SGCG: variants seen among roughly 807,000 people sequenced by gnomAD.
SGCG encodes the protein gamma-sarcoglycan.
In SGCG, 26 loss-of-function variants were observed where a neutral mutation model predicts 29.3. The observed-to-expected ratio is 0.89, with a 90% CI of 0.65 to 1.23. SGCG has a LOEUF of 1.23. SGCG is among the 50% of genes most tolerant of loss of function. The pLI is 0.00. For missense variants in SGCG, 353 were observed against 356.0 expected, an observed-to-expected ratio of 0.99 and a Z score of 0.07; for synonymous variants, 145 against 129.7, an observed-to-expected ratio of 1.12 and a Z score of -0.80.
At chr13:23,254,337 T>C (rs967857325) in intron 4 of SGCG, among the ~76,000 whole-genome samples, 1 of 152,162 alleles carries the variant, frequency 6.6e-6, no homozygotes, top group African/African-American at 2.4e-5. Flanking sequence ...ACCTGTGTAA[T>C]GCCCTAGGAA....
At chr13:23,314,382 T>TTATATATA (rs201480793) in intron 6 of SGCG, among the ~76,000 whole-genome samples, 1,379 of 78,532 alleles carry the variant, frequency 0.018, 31 homozygotes, top group South Asian at 0.033. Context: ...CTGCTATAGG[T>TTATATATA]TATATATATA....
chr13:23,250,747 A>G (rs1879932602), intron 4 of SGCG, 30 bp downstream of exon 4: 2 of 1,282,798 alleles, frequency 1.6e-6, no homozygotes, highest in African/African-American at 1.5e-5. Context: ...GGTGCTTTGC[A>G]TGCATGTTGT....
chr13:23,279,273 G>T, intron 4 of SGCG, 86 bp from the exon 5 acceptor site: 1 of 1,256,686 alleles, frequency 8.0e-7, no homozygotes, highest in Non-Finnish European at 1.2e-6. Context: ...ACTTGGTATT[G>T]TAGGGTTGAC....
intron 6 of SGCG, among the ~76,000 whole-genome samples, chr13:23,296,921 T>C (rs748562384): frequency 4.9e-4 from 75 of 152,196 alleles, no homozygotes; most frequent in Non-Finnish European, 8.5e-4. Flanking sequence ...CCAAATAATA[T>C]TTTAAATGGT....
chr13:23,215,827 ATATTT>A (rs1878405652), intron 2 of SGCG, among the ~76,000 whole-genome samples: 1 of 152,008 alleles, frequency 6.6e-6, no homozygotes, highest in Non-Finnish European at 1.5e-5. Context: ...AAACAAAGAC[ATATTT>A]TGTGGATAGT....
chr13:23,208,712 T>C (rs1878075162), intron 2 of SGCG, among the ~76,000 whole-genome samples: 1 of 152,134 alleles, frequency 6.6e-6, no homozygotes, highest in South Asian at 2.1e-4. Context: ...CAACTGATGC[T>C]GAGTATAAAG....
intron 6 of SGCG, among the ~76,000 whole-genome samples, chr13:23,317,839 C>T (rs9580601): frequency 0.25 from 37,882 of 151,890 alleles, 4,993 homozygotes; most frequent in South Asian, 0.35. Flanking sequence ...AGTGTCAACT[C>T]GATTGGATTA....
chr13:23,160,808 T>C, the SGCG span, among the ~76,000 whole-genome samples: 1 of 152,044 alleles, frequency 6.6e-6, no homozygotes, highest in Non-Finnish European at 1.5e-5. Context: ...GTGCCCTCTT[T>C]CTCCTCGCCT....
intron 6 of SGCG, among the ~76,000 whole-genome samples, chr13:23,307,013 AAT>A (rs1318787817): frequency 1.3e-5 from 2 of 152,208 alleles, no homozygotes. Context: ...AGGACTTACA[AAT>A]ATATTAGATT....
chr13:23,306,605 G>A (rs1468179728), intron 6 of SGCG, among the ~76,000 whole-genome samples: 3 of 152,022 alleles, frequency 2.0e-5, no homozygotes, highest in South Asian at 2.1e-4. Context: ...AACACTGTTC[G>A]CATAATCACA....
Position 23,193,396 on chromosome 13 carries a change from G to C in SGCG, c.1-10299G>C, listed in dbSNP as rs534622619. Among the ~76,000 whole-genome samples the C allele has an allele frequency of 7.2e-5, 11 of 152,306 alleles. 5 individuals are homozygous for C. Among genetic ancestry groups the C allele is most frequent in the Admixed American group, 7.2e-4 (11 of 15,298 alleles). On this transcript the variant is annotated intron_variant, in intron 1 of 7. Transcript: ENST00000218867. ...ATTAAGAGAGGCAGAGTGGGTGGAGGAGACCCTGAAGAGGCTGCACCGTCA... is the reference window on the plus strand; with the variant it reads ...ATTAAGAGAGGCAGAGTGGGTGGAGCAGACCCTGAAGAGGCTGCACCGTCA...
chr13:23,206,629 C>T (rs1404844005), intron 2 of SGCG, among the ~76,000 whole-genome samples: 1 of 152,126 alleles, frequency 6.6e-6, no homozygotes, highest in Non-Finnish European at 1.5e-5. Flanking sequence ...CATGAAAGTG[C>T]AGATATCTCT....
In SGCG at chr13:23,297,389, C is replaced by A. The variant is rs368001436; in HGVS notation, c.578+1902C>A. 2.0e-4 allele frequency among the ~76,000 whole-genome samples: 31 copies of A among 152,236 alleles called. No homozygotes were observed. In the East Asian group the frequency reaches 6.0e-3, roughly 29 times the overall value. The stretch of plus-strand genomic sequence containing the variant: ...GGGGTCTCACAGCCTTCAGAGCTGA[C>A]AGCCCCGAACAGAGATTTACCCACA... On this transcript the variant is annotated intron_variant, in intron 6 of 7. Transcript: ENST00000218867.
chr13:23,257,770 G>T (rs1472328927), intron 4 of SGCG, among the ~76,000 whole-genome samples: 1 of 152,140 alleles, frequency 6.6e-6, no homozygotes, highest in African/African-American at 2.4e-5. Context: ...CATATGGCTA[G>T]CCAGTTTTCC....
chr13:23,264,969 TA>T (rs1281456129), intron 4 of SGCG, among the ~76,000 whole-genome samples: 1 of 152,084 alleles, frequency 6.6e-6, no homozygotes. Context: ...CTTGAAATCA[TA>T]AAAATTCTAG....
At chr13:23,177,307 C>T (rs1876588819), upstream of SGCG, among the ~76,000 whole-genome samples, 1 of 151,986 alleles carries the variant, frequency 6.6e-6, no homozygotes, top group African/African-American at 2.4e-5. Flanking sequence ...AGTAGGGTGA[C>T]TATAGTCAAC....
intron 5 of SGCG, among the ~76,000 whole-genome samples, chr13:23,288,372 G>A (rs2137632636): frequency 6.6e-6 from 1 of 152,162 alleles, no homozygotes; most frequent in Admixed American, 6.5e-5. Flanking sequence ...TTAAGATGGT[G>A]CACTCGAAAC....
At chr13:23,178,911 C>T (rs1876641001), upstream of SGCG, among the ~76,000 whole-genome samples, 1 of 152,104 alleles carries the variant, frequency 6.6e-6, no homozygotes. Context: ...TCAGCGCTAA[C>T]TGATGACTGC....
chr13:23,298,142 G>A (rs1332732133), intron 6 of SGCG, among the ~76,000 whole-genome samples: 1 of 151,930 alleles, frequency 6.6e-6, no homozygotes, highest in Non-Finnish European at 1.5e-5. Context: ...GATCACCTGA[G>A]GTCAGGAGTT....
Sources: allele counts gnomAD v4.1 joint callset (sites outside exome capture counted in the v4.1 genomes callset), GRCh38; gene constraint gnomAD v4.1.1; transcripts MANE v1.5; gene names NCBI Gene and HGNC (gene_info 2026-07-23, HGNC 2026-07-21).